KYAT3: variants seen among roughly 807,000 people sequenced by gnomAD.
KYAT3 encodes the protein kynurenine--oxoglutarate transaminase 3.
In KYAT3, 50 loss-of-function variants were observed where a neutral mutation model predicts 59.0. The observed-to-expected ratio is 0.85, with a 90% CI of 0.68 to 1.07. The LOEUF (loss-of-function observed/expected upper bound fraction) is 1.07. Ranked by LOEUF, KYAT3 falls within the 50% of genes least tolerant of loss-of-function variation. KYAT3 has a pLI of 0.00. For synonymous variants in KYAT3, 148 were observed against 177.0 expected (o/e 0.84, Z 1.30); for missense variants, 497 against 533.3 (o/e 0.93, Z 0.67).
At chr1:88,959,572 CA>C (rs33949703) in intron 8 of KYAT3, among the ~76,000 whole-genome samples, 53,973 of 117,588 alleles carry the variant, frequency 0.46, 11,353 homozygotes, top group South Asian at 0.61. Context: ...GACTCTGTCT[CA>C]AAAAAAAAAA....
At position 88,949,199 on chromosome 1, in the gene KYAT3, CTT is replaced by C; in HGVS notation, c.1031_1032del (p.Lys344ArgfsTer14). ...ATCCGATCTCTTTTTACTTCTAACT[CTT>C]TTGGCAAAGAATTAAAGTAACATTC... is the stretch of plus-strand genomic sequence containing the variant. ...DPECYFNSLPKELEVKRDRMV... is the reference protein window; with the variant it reads ...DPECYFNSLPXELEVKRDRMV... On this transcript the variant is annotated frameshift_variant, in exon 11 of 14. Coordinates refer to ENST00000260508, the MANE Select transcript of KYAT3 (RefSeq NM_001008661.3). LOFTEE classifies it high-confidence loss of function. The C allele has an allele frequency of 6.2e-7, 1 of 1,610,482 alleles. No individual in the cohort carries two copies. The highest frequency in any genetic ancestry group is 1.7e-4 in the Middle Eastern group (1 of 6,046).
intron 1 of KYAT3, among the ~76,000 whole-genome samples, chr1:88,991,122 G>A (rs547230000): frequency 6.6e-6 from 1 of 152,266 alleles, no homozygotes; most frequent in South Asian, 2.1e-4. Context: ...ATTATCAACG[G>A]TTTAGACTGT....
chr1:88,951,857 G>A (rs1675687549), intron 10 of KYAT3, among the ~76,000 whole-genome samples: 1 of 152,056 alleles, frequency 6.6e-6, no homozygotes, highest in South Asian at 2.1e-4. Context: ...CATGGTGAAA[G>A]GAACTTTGCA....
At chr1:88,953,190 A>T in intron 9 of KYAT3, 38 bp from the exon 10 acceptor site, 1 of 1,353,136 alleles carries the variant, frequency 7.4e-7, no homozygotes, top group Non-Finnish European at 1.1e-6. Context: ...AGAAAATCTA[A>T]TTGTATATAA....
intron 2 of KYAT3, among the ~76,000 whole-genome samples, chr1:88,974,272 A>C (rs1009368076): frequency 2.0e-5 from 3 of 152,168 alleles, no homozygotes; most frequent in African/African-American, 7.2e-5. Context: ...TGTCATTTAA[A>C]AATATTTTTA....
chr1:88,975,128 C>T (rs918567934), intron 2 of KYAT3, among the ~76,000 whole-genome samples: 1 of 152,078 alleles, frequency 6.6e-6, no homozygotes, highest in South Asian at 2.1e-4. Context: ...AGCGAGACCA[C>T]GAACCCACTG....
intron 1 of KYAT3, among the ~76,000 whole-genome samples, chr1:88,989,904 T>C (rs1005581452): frequency 1.3e-5 from 2 of 152,208 alleles, no homozygotes; most frequent in Non-Finnish European, 2.9e-5. Flanking sequence ...CCACGGGATA[T>C]TGGTTTCACC....
chr1:88,960,429 A>G (rs912952361), intron 8 of KYAT3, among the ~76,000 whole-genome samples: 5 of 152,182 alleles, frequency 3.3e-5, no homozygotes, highest in Non-Finnish European at 7.3e-5. Context: ...AGTAAAATAT[A>G]TAGATTCTGA....
chr1:88,925,599 T>C, the KYAT3 span, among the ~76,000 whole-genome samples: 59 of 151,942 alleles, frequency 3.9e-4, 1 homozygote, highest in East Asian at 5.4e-3. Context: ...CCACCACCCT[T>C]GCCAGGGCCC....
intron 13 of KYAT3, among the ~76,000 whole-genome samples, 159 bp downstream of exon 13, chr1:88,942,846 G>A (rs958441000): frequency 6.6e-6 from 1 of 152,102 alleles, no homozygotes; most frequent in African/African-American, 2.4e-5. Context: ...ACAGGCATGA[G>A]CCACCACGCC....
At position 88,952,934 on chromosome 1, in the gene KYAT3, T is replaced by G. The variant is rs192865228; in HGVS notation, c.954+129A>C. 1.0e-5 allele frequency: 6 copies of G among 598,282 alleles called. No individual in the cohort carries two copies. The Admixed American group carries it at 1.2e-4, about 12-fold the overall frequency. 37.1% of individuals were successfully genotyped at this position (598,282 alleles called of 1,614,324 possible). On this transcript the variant is annotated intron_variant, in intron 10 of 13. Coordinates refer to ENST00000260508, the MANE Select transcript of KYAT3 (RefSeq NM_001008661.3). The stretch of plus-strand genomic sequence containing the variant: ...GTGAATATGTATCTGCTCCCCAAAT[T>G]CCAAATTATATTAGAAGGCCCTGCA...
chr1:88,980,187 C>T (rs1356879363), intron 2 of KYAT3: 1 of 152,380 alleles, frequency 6.6e-6, no homozygotes, highest in Non-Finnish European at 1.5e-5. Context: ...CTTGAGGAAT[C>T]TTTTGGGGGC....
At chr1:88,983,465 C>G in intron 2 of KYAT3, 1 of 1,614,086 alleles carries the variant, frequency 6.2e-7, no homozygotes, top group South Asian at 1.1e-5. Context: ...TGAAGGAGGT[C>G]CCCTGGTTCC....
chr1:88,943,501 T>C lies in KYAT3; in HGVS notation c.1142-78A>G, dbSNP rs1224454726. On this transcript the variant is annotated intron_variant, in intron 11 of 13. Coordinates refer to ENST00000260508, the MANE Select transcript of KYAT3 (RefSeq NM_001008661.3). The stretch of plus-strand genomic sequence containing the variant: ...GTATTTCATTTAAGTCTATCAAGAT[T>C]CAACATTTTCTCCTATTTAAATTAG... 10 of 774,830 alleles carry C rather than the reference T, an allele frequency of 1.3e-5. No homozygotes were observed. In the Middle Eastern group the frequency reaches 9.4e-4, roughly 73 times the overall value. 48.0% of individuals were successfully genotyped at this position (774,830 alleles called of 1,614,324 possible). A position where few individuals can be genotyped will look rare whatever the true frequency, so the allele number is the denominator to read the frequency against.
chr1:88,946,239 T>C (rs1248693645), intron 11 of KYAT3, among the ~76,000 whole-genome samples: 1 of 152,208 alleles, frequency 6.6e-6, no homozygotes, highest in African/African-American at 2.4e-5. Context: ...TGTCAGGAAG[T>C]TTAGTCTCAA....
intron 13 of KYAT3, among the ~76,000 whole-genome samples, chr1:88,937,830 G>A (rs1301454164): frequency 6.6e-6 from 1 of 152,098 alleles, no homozygotes; most frequent in Non-Finnish European, 1.5e-5. Context: ...TTAAATTGAG[G>A]TACTTTCTTA....
intron 8 of KYAT3, among the ~76,000 whole-genome samples, chr1:88,959,775 T>G (rs1357496199): frequency 6.6e-6 from 1 of 151,796 alleles, no homozygotes; most frequent in East Asian, 2.0e-4. Context: ...ACTCCTTTTT[T>G]ATTCCCCTCA....
At chr1:88,974,141 C>T (rs1441336888) in intron 2 of KYAT3, among the ~76,000 whole-genome samples, 1 of 152,166 alleles carries the variant, frequency 6.6e-6, no homozygotes, top group African/African-American at 2.4e-5. Flanking sequence ...ATGGATACCA[C>T]ACTTCGGGAC....
intron 2 of KYAT3, chr1:88,979,401 T>A (rs925766931): frequency 1.3e-5 from 2 of 152,202 alleles, no homozygotes; most frequent in Admixed American, 1.3e-4. Context: ...AAGTATCTCT[T>A]AAAAAGTTGC....
Sources: allele counts gnomAD v4.1 joint callset (sites outside exome capture counted in the v4.1 genomes callset), GRCh38; gene constraint gnomAD v4.1.1; transcripts MANE v1.5; gene names NCBI Gene and HGNC (gene_info 2026-07-23, HGNC 2026-07-21).